The following LTBP1 variants were observed in gnomAD, a reference collection of about 807,000 sequenced individuals.
The protein encoded by LTBP1 is latent transforming growth factor beta binding protein 1.
LTBP1 carries 129 observed loss-of-function variants against 207.6 expected under a neutral mutation model. That is an observed-to-expected ratio of 0.62 (90% CI 0.54 to 0.72). LTBP1 has a LOEUF of 0.72. Ranked by LOEUF, LTBP1 falls within the 30% of genes least tolerant of loss-of-function variation. The pLI, the probability that LTBP1 is intolerant of heterozygous loss-of-function variation, is 0.00. For missense variants in LTBP1, 2,281 were observed against 2,217.2 expected, an observed-to-expected ratio of 1.03 and a Z score of -0.58; for synonymous variants, 963 against 833.7, an observed-to-expected ratio of 1.16 and a Z score of -2.67.
chr2:33,171,619 A>T (rs1366529655), intron 5 of LTBP1, among the ~76,000 whole-genome samples: 2 of 151,822 alleles, frequency 1.3e-5, no homozygotes, highest in East Asian at 3.9e-4. Flanking sequence ...CCAATCTAGC[A>T]AGGCAGGCCA....
intron 5 of LTBP1, among the ~76,000 whole-genome samples, chr2:33,185,056 G>A (rs1482239897): frequency 6.6e-6 from 1 of 152,204 alleles, no homozygotes; most frequent in Non-Finnish European, 1.5e-5. Flanking sequence ...TAGGAATCAG[G>A]TAGTTGACGG....
intron 7 of LTBP1, among the ~76,000 whole-genome samples, chr2:33,190,773 A>G (rs1254715463): frequency 1.3e-5 from 2 of 152,192 alleles, no homozygotes; most frequent in Non-Finnish European, 2.9e-5. Flanking sequence ...ATGTGCTTTC[A>G]GTAAGATAGG....
At chr2:33,079,418 T>G (rs1005946982) in intron 3 of LTBP1, among the ~76,000 whole-genome samples, 6 of 152,198 alleles carry the variant, frequency 3.9e-5, no homozygotes, top group African/African-American at 1.2e-4. Context: ...AGCAATTCAT[T>G]TATTCAAACT....
chr2:33,397,211 G>A lies in LTBP1; in HGVS notation c.4913G>A (p.Arg1638Lys), dbSNP rs370314271. 6.2e-7 allele frequency: 1 copy of A among 1,614,182 alleles called. No individual in the cohort carries two copies. The highest frequency in any genetic ancestry group is 2.2e-5 in the East Asian group (1 of 44,882). ...GGATGTGAAAATGGTCGCTGTGTGAGGGTCCAGGAAGGTTACACCTGCGAT... is the reference window on the plus strand; with the variant it reads ...GGATGTGAAAATGGTCGCTGTGTGAAGGTCCAGGAAGGTTACACCTGCGAT... Reference protein sequence around the residue: ...LNGCENGRCVRVQEGYTCDCF... With the variant: ...LNGCENGRCVKVQEGYTCDCF... The change falls in exon 33 of 34, where the codon AGG becomes AAG. Residue 1638 changes from arginine (R) to lysine (K), a missense_variant. Physicochemically the swap from Arg to Lys is conservative, Grantham distance 26 (BLOSUM62 2). Transcript: ENST00000404816.
chr2:33,046,344 AG>A (rs2076442168), intron 3 of LTBP1, among the ~76,000 whole-genome samples: 2 of 152,174 alleles, frequency 1.3e-5, no homozygotes, highest in South Asian at 4.1e-4. Flanking sequence ...ATTTTGTGGA[AG>A]GCCTTTTCTG....
At chr2:33,203,915 T>C (rs2089599339) in intron 7 of LTBP1, among the ~76,000 whole-genome samples, 1 of 152,166 alleles carries the variant, frequency 6.6e-6, no homozygotes, top group African/African-American at 2.4e-5. Context: ...ATGGCTTGAA[T>C]TGATGGTTGA....
intron 3 of LTBP1, among the ~76,000 whole-genome samples, chr2:33,051,919 G>A (rs2076766271): frequency 1.3e-5 from 2 of 152,170 alleles, no homozygotes; most frequent in African/African-American, 4.8e-5. Context: ...AATGAATACA[G>A]TCTCTTTAAA....
chr2:33,110,534 T>C (rs2080343785), intron 3 of LTBP1, 48 bp from the exon 4 acceptor site: 2 of 1,550,984 alleles, frequency 1.3e-6, no homozygotes, highest in African/African-American at 1.4e-5. Context: ...TAGCTGACTT[T>C]TAAAAGCCCA....
chr2:33,328,135 C>A (rs1573860436), intron 24 of LTBP1, among the ~76,000 whole-genome samples: 2 of 134,130 alleles, frequency 1.5e-5, no homozygotes, highest in Admixed American at 7.3e-5. Flanking sequence ...GACTCTGTCT[C>A]AATAAATAAA....
intron 5 of LTBP1, among the ~76,000 whole-genome samples, chr2:33,169,268 C>G (rs1401870444): frequency 6.6e-6 from 1 of 152,174 alleles, no homozygotes; most frequent in Non-Finnish European, 1.5e-5. Flanking sequence ...CATTCTTCCT[C>G]TGTTCTTCCA....
At chr2:33,163,604 C>T (rs2084653350) in intron 5 of LTBP1, among the ~76,000 whole-genome samples, 1 of 152,100 alleles carries the variant, frequency 6.6e-6, no homozygotes, top group Admixed American at 6.5e-5. Flanking sequence ...AGCAAAAACG[C>T]ATTATAGTTA....
chr2:33,307,159 G>A lies in LTBP1; in HGVS notation c.3482-2275G>A, dbSNP rs143834370. Among the ~76,000 whole-genome samples the A allele has an allele frequency of 4.6e-4, 70 of 152,348 alleles. No homozygotes were observed. The East Asian group carries it at 0.01, about 22-fold the overall frequency. ...TAGTTGTAGAGCTGTCAGAGTAAAT[G>A]TGGAACAATCGGAGTTCTCATATGT... is the stretch of plus-strand genomic sequence containing the variant. On this transcript the variant is annotated intron_variant, in intron 22 of 33. Transcript: ENST00000404816.
intron 24 of LTBP1, among the ~76,000 whole-genome samples, chr2:33,336,501 C>T (rs2094554804): frequency 6.9e-6 from 1 of 145,082 alleles, no homozygotes; most frequent in Non-Finnish European, 1.5e-5. Flanking sequence ...GGATAATCTT[C>T]AGGTTTCCGT....
intron 2 of LTBP1, among the ~76,000 whole-genome samples, chr2:32,972,921 G>T (rs952298732): frequency 2.6e-5 from 4 of 152,102 alleles, no homozygotes; most frequent in African/African-American, 9.7e-5. Flanking sequence ...CGTTATAGTG[G>T]AGTGAGAACA....
chr2:33,383,361 A>G (rs1340141137), intron 31 of LTBP1, among the ~76,000 whole-genome samples: 1 of 152,172 alleles, frequency 6.6e-6, no homozygotes, highest in Non-Finnish European at 1.5e-5. Context: ...TCAGGGGAAT[A>G]AAAAAGTGTC....
chr2:33,301,976 T>G (rs1041971675), intron 22 of LTBP1, among the ~76,000 whole-genome samples: 17 of 152,222 alleles, frequency 1.1e-4, no homozygotes, highest in African/African-American at 4.1e-4. Context: ...TTCTAAATGT[T>G]CCAAATAAGT....
At chr2:33,327,438 A>G (rs1277352161) in intron 24 of LTBP1, among the ~76,000 whole-genome samples, 8 of 152,208 alleles carry the variant, frequency 5.3e-5, no homozygotes, top group Admixed American at 3.3e-4. Flanking sequence ...CTAAAGAACA[A>G]TAGAATACTG....
intron 5 of LTBP1, among the ~76,000 whole-genome samples, chr2:33,139,745 G>C (rs527386928): frequency 2.9e-4 from 44 of 152,176 alleles, no homozygotes; most frequent in Non-Finnish European, 5.7e-4. Context: ...AGTTGACATG[G>C]GAAAGAAGAA....
At position 33,136,163 on chromosome 2, in the gene LTBP1, G is replaced by A. The variant is rs578230217; in HGVS notation, c.1201+1203G>A. ...ATGTGCCCATAGATACGATTTAAAA[G>A]GGCATTGTGAGTTTCCTGGCTATGA... is the stretch of plus-strand genomic sequence containing the variant. On this transcript the variant is annotated intron_variant, in intron 5 of 33. Transcript: ENST00000404816. Among the ~76,000 whole-genome samples the A allele has an allele frequency of 6.6e-5, 10 of 152,302 alleles. 1 individual carries two copies. In the South Asian group the frequency reaches 1.2e-3, roughly 19 times the overall value.
Sources: allele counts gnomAD v4.1 joint callset (sites outside exome capture counted in the v4.1 genomes callset), GRCh38; gene constraint gnomAD v4.1.1; transcripts MANE v1.5; gene names NCBI Gene and HGNC (gene_info 2026-07-23, HGNC 2026-07-21).